Variants in ZCCHC10 observed in about 807,000 individuals in gnomAD.
ZCCHC10 encodes zinc finger CCHC domain-containing protein 10.
In ZCCHC10, 16 loss-of-function variants were observed where a neutral mutation model predicts 19.5. That is an observed-to-expected ratio of 0.82 (90% CI 0.56 to 1.25). ZCCHC10 has a LOEUF of 1.25. Ranked by LOEUF, ZCCHC10 falls within the 50% of genes most tolerant of loss-of-function variation. ZCCHC10 has a pLI of 0.00. For missense variants in ZCCHC10, 197 were observed against 201.0 expected (o/e 0.98, Z 0.12); for synonymous variants, 67 against 72.5 (o/e 0.92, Z 0.38).
chr5:133,016,437 A>T (rs1251960943), intron 2 of ZCCHC10, among the ~76,000 whole-genome samples: 1 of 151,558 alleles, frequency 6.6e-6, no homozygotes, highest in Non-Finnish European at 1.5e-5. Flanking sequence ...ATTATTATTT[A>T]TTTTTCTCTT....
intron 2 of ZCCHC10, among the ~76,000 whole-genome samples, chr5:133,018,144 C>CA (rs10602241): frequency 0.03 from 2,889 of 96,198 alleles, 87 homozygotes; most frequent in African/African-American, 0.076. Flanking sequence ...GAATCTGTCT[C>CA]AAAAAAAAAA....
intron 2 of ZCCHC10, among the ~76,000 whole-genome samples, chr5:133,017,105 G>A (rs976030430): frequency 2.0e-5 from 3 of 152,080 alleles, no homozygotes; most frequent in African/African-American, 4.8e-5. Flanking sequence ...AAACTGCCTC[G>A]TGTGGACACC....
At chr5:133,010,049 ATTT>A (rs770318980) in intron 2 of ZCCHC10, among the ~76,000 whole-genome samples, 1 of 138,522 alleles carries the variant, frequency 7.2e-6, no homozygotes, top group African/African-American at 2.7e-5. Flanking sequence ...TGGGTCAGCA[ATTT>A]TTTTTTTTTT....
chr5:133,007,923 T>C (rs1366353740), intron 2 of ZCCHC10, among the ~76,000 whole-genome samples: 1 of 152,054 alleles, frequency 6.6e-6, no homozygotes, highest in Non-Finnish European at 1.5e-5. Context: ...TTTAACAAGC[T>C]TCTTTAAGAA....
At chr5:133,025,099 T>TAC (rs1235873843) in intron 1 of ZCCHC10, among the ~76,000 whole-genome samples, 1 of 152,022 alleles carries the variant, frequency 6.6e-6, no homozygotes, top group African/African-American at 2.4e-5. Flanking sequence ...CACATACATA[T>TAC]ACTAGCAGAC....
chr5:133,014,317 G>A (rs185486338), intron 2 of ZCCHC10, among the ~76,000 whole-genome samples: 59 of 152,030 alleles, frequency 3.9e-4, no homozygotes, highest in Admixed American at 1.1e-3. Context: ...GTGCCACCAC[G>A]CCTGGCTAAT....
At position 133,026,351 on chromosome 5, in the gene ZCCHC10, C is replaced by T. The variant is rs1764710534; in HGVS notation, c.41+146G>A. 6.8e-6 allele frequency: 8 copies of T among 1,184,900 alleles called. No homozygotes were observed. The South Asian group carries it at 1.1e-4, about 16-fold the overall frequency. 73.4% of individuals were successfully genotyped at this position (1,184,900 alleles called of 1,614,324 possible). A position where few individuals can be genotyped will look rare whatever the true frequency, so the allele number is the denominator to read the frequency against. On this transcript the variant is annotated intron_variant, in intron 1 of 4. Transcript: ENST00000509437. The stretch of plus-strand genomic sequence containing the variant: ...TAACCCCCGGTCACCAGACTTATCG[C>T]CCGGGCCCGAGCCCCCCGGGAGCCA...
At chr5:133,005,364 G>A (rs1763049940) in intron 3 of ZCCHC10, among the ~76,000 whole-genome samples, 1 of 152,088 alleles carries the variant, frequency 6.6e-6, no homozygotes, top group Non-Finnish European at 1.5e-5. Context: ...TATAATCCCA[G>A]CACTTTGGGA....
chr5:133,001,158 C>T (rs1327347914), intron 3 of ZCCHC10, among the ~76,000 whole-genome samples: 4 of 151,678 alleles, frequency 2.6e-5, no homozygotes, highest in Non-Finnish European at 5.9e-5. Context: ...GAGGCCGAGG[C>T]AGGCAGATCA....
chr5:133,021,186 C>T (rs572514130), intron 2 of ZCCHC10, among the ~76,000 whole-genome samples: 7 of 152,032 alleles, frequency 4.6e-5, no homozygotes, highest in African/African-American at 1.2e-4. Flanking sequence ...TGAGCCACCG[C>T]GCACGGCCTA....
chr5:133,024,901 T>TA (rs969584004), intron 1 of ZCCHC10, among the ~76,000 whole-genome samples: 187 of 146,248 alleles, frequency 1.3e-3, no homozygotes, highest in Non-Finnish European at 2.1e-3. Context: ...AGACTCCGTC[T>TA]AAAAAAAAAA....
chr5:133,005,894 C>A (rs908917422), intron 3 of ZCCHC10, among the ~76,000 whole-genome samples: 4 of 151,610 alleles, frequency 2.6e-5, no homozygotes, highest in Non-Finnish European at 5.9e-5. Context: ...AGAACTTTCA[C>A]GTCACAAATT....
intron 2 of ZCCHC10, among the ~76,000 whole-genome samples, chr5:133,009,159 C>T (rs1352087080): frequency 6.6e-6 from 1 of 152,050 alleles, no homozygotes; most frequent in Non-Finnish European, 1.5e-5. Flanking sequence ...TGCACTATCA[C>T]GCCCGGCTAA....
In ZCCHC10 at chr5:133,000,130, A is replaced by G; in HGVS notation, c.311+2T>C. 6.2e-7 allele frequency: 1 copy of G among 1,613,674 alleles called. No individual in the cohort carries two copies. The highest frequency in any genetic ancestry group is 8.5e-7 in the Non-Finnish European group (1 of 1,179,878). On this transcript the variant is annotated splice_donor_variant, in intron 4 of 4. Transcript: ENST00000509437. LOFTEE classifies it high-confidence loss of function. ...ATAAAACACTGCTAAAACCACACAT[A>G]CCTTTTTTTCTTGGCCTTTCTTTCT... is the stretch of plus-strand genomic sequence containing the variant.
chr5:133,022,726 C>G, intron 2 of ZCCHC10, 115 bp downstream of exon 2: 1 of 384,498 alleles, frequency 2.6e-6, no homozygotes, highest in Non-Finnish European at 4.7e-6. Context: ...GCTGGGATTA[C>G]AGGCATGAGC....
At chr5:133,001,292 G>A (rs1762754605) in intron 3 of ZCCHC10, among the ~76,000 whole-genome samples, 1 of 151,898 alleles carries the variant, frequency 6.6e-6, no homozygotes, top group Admixed American at 6.6e-5. Context: ...CCAGGAGACT[G>A]AGGCAGGAGA....
At chr5:133,012,645 T>A (rs1763632114) in intron 2 of ZCCHC10, among the ~76,000 whole-genome samples, 1 of 152,052 alleles carries the variant, frequency 6.6e-6, no homozygotes, top group Non-Finnish European at 1.5e-5. Flanking sequence ...CCGGTCACAG[T>A]GGCTCATGCC....
At chr5:133,012,365 G>GCCTGTAATCCCA (rs1763612508) in intron 2 of ZCCHC10, among the ~76,000 whole-genome samples, 1 of 151,516 alleles carries the variant, frequency 6.6e-6, no homozygotes, top group African/African-American at 2.4e-5. Context: ...CTACTTGGGA[G>GCCTGTAATCCCA]GCTGAGGCAG....
intron 4 of ZCCHC10, 58 bp from the exon 5 acceptor site, chr5:132,998,908 A>G: frequency 6.4e-7 from 1 of 1,571,324 alleles, no homozygotes; most frequent in Non-Finnish European, 8.6e-7. Context: ...GAATGTTAAA[A>G]GCAATTTCAT....
Sources: gnomAD v4.1 joint callset for allele counts (sites outside exome capture counted in the v4.1 genomes callset) on GRCh38, gnomAD v4.1.1 for gene constraint, MANE v1.5 for transcripts, NCBI Gene and HGNC (gene_info 2026-07-23, HGNC 2026-07-21) for gene names.